EDNRA: variants seen among roughly 807,000 people sequenced by gnomAD.
EDNRA encodes endothelin receptor type A.
A neutral mutation model predicts 41.4 loss-of-function variants in EDNRA; 11 were observed. The observed-to-expected ratio is 0.27, with a 90% CI of 0.17 to 0.44. The LOEUF is 0.44. Ranked by LOEUF, EDNRA falls within the 20% of genes least tolerant of loss-of-function variation. The pLI is 1.00. For missense variants in EDNRA, 294 were observed against 531.0 expected, an observed-to-expected ratio of 0.55 and a Z score of 4.39; for synonymous variants, 172 against 183.0, an observed-to-expected ratio of 0.94 and a Z score of 0.49.
chr4:147,524,774 T>C (rs548472117), intron 3 of EDNRA, among the ~76,000 whole-genome samples: 1 of 152,194 alleles, frequency 6.6e-6, no homozygotes, highest in Admixed American at 6.5e-5. Flanking sequence ...ATGTAGGGAA[T>C]CTATTTGACA....
At chr4:147,503,581 TCAAAAAAG>T (rs1729587324) in intron 2 of EDNRA, among the ~76,000 whole-genome samples, 1 of 152,120 alleles carries the variant, frequency 6.6e-6, no homozygotes, top group South Asian at 2.1e-4. Context: ...ACCACCTCTT[TCAAAAAAG>T]TGATTACCAA....
chr4:147,493,828 CA>C (rs1163053108), intron 2 of EDNRA: 2 of 152,056 alleles, frequency 1.3e-5, no homozygotes, highest in African/African-American at 4.8e-5. Context: ...TGCAGAAGAG[CA>C]ACCTGGAAAA....
rs10305936 is a variant in EDNRA, at chr4:147,543,825, T to TA, written c.*1208dup. On this transcript the variant is annotated 3_prime_UTR_variant, in exon 8 of 8. Transcript: ENST00000651419. ...ATTACCCACAAATGCCACCAGAACT[T>TA]ACGATTCTTCACTTCTTGGGGTTTT... 55,811 of 152,330 alleles carry TA rather than the reference T, an allele frequency of 0.37. 10,562 individuals are homozygous for TA. The highest frequency in any genetic ancestry group is 0.61 in the South Asian group (2,944 of 4,796). The allele number at this position is 152,330 out of a possible 1,614,324, so 9.4% of individuals were successfully genotyped here.
intron 3 of EDNRA, among the ~76,000 whole-genome samples, chr4:147,527,523 A>T (rs1311544994): frequency 6.6e-6 from 1 of 152,162 alleles, no homozygotes; most frequent in African/African-American, 2.4e-5. Context: ...CAAAACAAGA[A>T]AAGAATAAAA....
At chr4:147,540,132 T>C (rs1731049423) in intron 6 of EDNRA, among the ~76,000 whole-genome samples, 182 bp downstream of exon 6, 1 of 152,222 alleles carries the variant, frequency 6.6e-6, no homozygotes, top group Non-Finnish European at 1.5e-5. Context: ...GCCACATCTG[T>C]TATCTTGCCC....
chr4:147,534,285 G>C (rs1730846833), intron 4 of EDNRA, among the ~76,000 whole-genome samples: 1 of 152,180 alleles, frequency 6.6e-6, no homozygotes. Flanking sequence ...CTTCAAAAAA[G>C]AGAGAGAGAG....
intron 5 of EDNRA, among the ~76,000 whole-genome samples, chr4:147,539,593 C>T (rs1184575560): frequency 6.6e-6 from 1 of 152,018 alleles, no homozygotes; most frequent in African/African-American, 2.4e-5. Flanking sequence ...CCTGAGGCCC[C>T]CATCCTTCCT....
chr4:147,513,473 T>C (rs1320940862), intron 2 of EDNRA, among the ~76,000 whole-genome samples: 3 of 152,334 alleles, frequency 2.0e-5, no homozygotes, highest in South Asian at 4.1e-4. Context: ...TCGTAGTATC[T>C]GCAGTGGCCA....
At chr4:147,484,548 A>G (rs971916034) in intron 1 of EDNRA, among the ~76,000 whole-genome samples, 6 of 152,154 alleles carry the variant, frequency 3.9e-5, no homozygotes, top group African/African-American at 1.2e-4. Context: ...TGAACCGTGG[A>G]TCTACCCCAC....
At position 147,519,935 on chromosome 4, in the gene EDNRA, G is replaced by A. The variant is rs1311162653; in HGVS notation, c.505G>A (p.Val169Met). 1 of 1,613,388 alleles carries A rather than the reference G, an allele frequency of 6.2e-7. No individual in the cohort carries two copies. Among genetic ancestry groups the A allele is most frequent in the South Asian group, 1.1e-5 (1 of 91,000 alleles). ...GTTCCCCTTTTTGCAGAAGTCCTCG[G>A]TGGGGATCACCGTCCTCAACCTCTG... is the stretch of plus-strand genomic sequence containing the variant. ...KLFPFLQKSS[V>M]GITVLNLCAL... is the part of the protein sequence containing the mutation. Residue 169 changes from valine to methionine, a missense_variant, in exon 3 of 8, where the codon GTG (valine) becomes ATG (methionine). Around this residue, in one of 3 missense-constraint regions of EDNRA, gnomAD observed 185 missense variants for 390.8 expected, o/e 0.47. Transcript: ENST00000651419. This position sits in a 1 kb window ranked among gnomAD's most constrained non-coding sequence, Gnocchi z 4.1.
chr4:147,494,349 T>C (rs1003922323), intron 2 of EDNRA: 1 of 151,958 alleles, frequency 6.6e-6, no homozygotes. Flanking sequence ...ATAAGTACAA[T>C]GGGAAAAGAG....
In EDNRA at chr4:147,486,350, A is replaced by T. The variant is rs982249705; in HGVS notation, c.420+249A>T. On this transcript the variant is annotated intron_variant, in intron 2 of 7. Transcript: ENST00000651419. This position sits in a 1 kb window ranked among gnomAD's most constrained non-coding sequence, Gnocchi z 4.3. ...TGATGGTTCAAAATCATGGTGTTTC[A>T]TGACTTGGATTCTCATGCCACCCCT... Among the ~76,000 whole-genome samples the T allele has an allele frequency of 6.6e-6, 1 of 152,192 alleles. No homozygotes were observed. The highest frequency in any genetic ancestry group is 6.5e-5 in the Admixed American group (1 of 15,288).
rs367849676 is a variant in EDNRA at position 147,504,389 on chromosome 4, T to C, written c.421-15462T>C. On this transcript the variant is annotated intron_variant, in intron 2 of 7. Coordinates refer to ENST00000651419, the MANE Select transcript of EDNRA (RefSeq NM_001957.4). ...ATATTGGCCGTTACGAATTACTAGT[T>C]TACCAATTATAAGGATCTTCTCAAT... Among the ~76,000 whole-genome samples the C allele has an allele frequency of 9.4e-4, 143 of 152,332 alleles. 6 individuals carry two copies. In the South Asian group the frequency reaches 0.028, roughly 30 times the overall value.
At chr4:147,489,703 C>T (rs563440535) in intron 2 of EDNRA, 4 of 152,126 alleles carry the variant, frequency 2.6e-5, no homozygotes, top group African/African-American at 7.2e-5. Context: ...TCATTCCACC[C>T]CTAAATTTTC....
At chr4:147,510,018 G>A (rs1729865741) in intron 2 of EDNRA, among the ~76,000 whole-genome samples, 1 of 152,100 alleles carries the variant, frequency 6.6e-6, no homozygotes, top group South Asian at 2.1e-4. Context: ...GATCTAGATG[G>A]TCTCTAAGCT....
At chr4:147,508,356 C>T (rs931586987) in intron 2 of EDNRA, among the ~76,000 whole-genome samples, 4 of 152,184 alleles carry the variant, frequency 2.6e-5, no homozygotes, top group African/African-American at 9.7e-5. Flanking sequence ...CCAGGCTGGT[C>T]TCAAACCCCT....
At chr4:147,507,672 C>T (rs1324486174) in intron 2 of EDNRA, among the ~76,000 whole-genome samples, 2 of 152,106 alleles carry the variant, frequency 1.3e-5, no homozygotes, top group Admixed American at 6.5e-5. Context: ...GAGCTAAATG[C>T]ACACAAATTA....
At chr4:147,536,136 A>G in intron 5 of EDNRA, 107 bp downstream of exon 5, 1 of 1,310,118 alleles carries the variant, frequency 7.6e-7, no homozygotes, top group Middle Eastern at 2.1e-4. Flanking sequence ...TCCTAAAATA[A>G]AAATACTATC....
chr4:147,521,284 C>T (rs1454780664), intron 3 of EDNRA, among the ~76,000 whole-genome samples: 3 of 152,124 alleles, frequency 2.0e-5, no homozygotes, highest in Non-Finnish European at 4.4e-5. Context: ...ATTTAAAACA[C>T]AATCATACCA....
Sources: gnomAD v4.1 joint callset for allele counts (sites outside exome capture counted in the v4.1 genomes callset) on GRCh38, gnomAD v4.1.1 for gene constraint, gnomAD v4.1.1 regional missense constraint, Gnocchi (gnomAD v3.1) non-coding constraint, MANE v1.5 for transcripts, NCBI Gene and HGNC (gene_info 2026-07-23, HGNC 2026-07-21) for gene names.